Variants in ESR1 observed in about 807,000 individuals in gnomAD.
ESR1 encodes the protein estrogen receptor 1.
A neutral mutation model predicts 52.7 loss-of-function variants in ESR1; 12 were observed. That is an observed-to-expected ratio of 0.23 (90% confidence interval 0.15 to 0.37). The LOEUF (loss-of-function observed/expected upper bound fraction) is 0.37. Ranked by LOEUF, ESR1 falls within the 10% of genes least tolerant of loss-of-function variation. The pLI, the probability that ESR1 is intolerant of heterozygous loss-of-function variation, is 1.00. For missense variants in ESR1, 584 were observed against 779.7 expected (o/e 0.75, Z 2.99); for synonymous variants, 305 against 316.8 (o/e 0.96, Z 0.39).
At chr6:152,031,111 C>T (rs1258450207) in intron 5 of ESR1, among the ~76,000 whole-genome samples, 1 of 152,164 alleles carries the variant, frequency 6.6e-6, no homozygotes, top group African/African-American at 2.4e-5. Context: ...ACACAACATA[C>T]CAGAATCTCT....
downstream of ESR1, among the ~76,000 whole-genome samples, chr6:152,104,011 T>G (rs1443544642): frequency 7.2e-6 from 1 of 139,354 alleles, no homozygotes; most frequent in Non-Finnish European, 1.5e-5. Context: ...TGCATCACCT[T>G]GGGCAAGTTG....
chr6:151,741,765 T>C (rs1783114536), intron 2 of ESR1, among the ~76,000 whole-genome samples: 1 of 152,186 alleles, frequency 6.6e-6, no homozygotes, highest in African/African-American at 2.4e-5. Flanking sequence ...AACTAACGTA[T>C]CCATCATCTC....
At chr6:151,880,831 T>A (rs1486685930) in intron 3 of ESR1, 60 bp downstream of exon 3, 13 of 858,214 alleles carry the variant, frequency 1.5e-5, no homozygotes, top group Non-Finnish European at 2.0e-5. Flanking sequence ...CAGTGCTGGC[T>A]CTACCCATTG....
chr6:151,897,262 A>G (rs1795678224), intron 3 of ESR1, among the ~76,000 whole-genome samples: 1 of 152,144 alleles, frequency 6.6e-6, no homozygotes, highest in Admixed American at 6.5e-5. Context: ...TGACCTGTCT[A>G]GTATTGTCAG....
At chr6:151,683,745 C>G (rs1178828033) in intron 1 of ESR1, among the ~76,000 whole-genome samples, 1 of 151,356 alleles carries the variant, frequency 6.6e-6, no homozygotes, top group Admixed American at 6.6e-5. Flanking sequence ...GTCGCCCAGG[C>G]TAGAGTGCAG....
At chr6:151,817,494 T>C (rs901246348) in intron 1 of ESR1, among the ~76,000 whole-genome samples, 2 of 152,318 alleles carry the variant, frequency 1.3e-5, no homozygotes, top group Admixed American at 6.5e-5. Flanking sequence ...CTTCATTTCC[T>C]TGGGCCTCTT....
intron 2 of ESR1, among the ~76,000 whole-genome samples, chr6:151,715,511 T>C (rs1280124719): frequency 2.0e-5 from 3 of 152,228 alleles, no homozygotes; most frequent in African/African-American, 7.2e-5. Context: ...TAGTCCCATA[T>C]TTCTTGGAGG....
chr6:151,675,355 T>G (rs1778215925), intron 1 of ESR1, among the ~76,000 whole-genome samples: 1 of 152,054 alleles, frequency 6.6e-6, no homozygotes, highest in Admixed American at 6.6e-5. Flanking sequence ...TTTCTTTGGG[T>G]GTGGGTGGTT....
chr6:151,961,258 G>A (rs372573877), intron 4 of ESR1, among the ~76,000 whole-genome samples: 2 of 152,080 alleles, frequency 1.3e-5, no homozygotes, highest in African/African-American at 2.4e-5. Context: ...GAGGGAACCC[G>A]CAAAGGAGAT....
At chr6:151,824,416 G>C (rs1268316288) in intron 1 of ESR1, among the ~76,000 whole-genome samples, 2 of 151,966 alleles carry the variant, frequency 1.3e-5, no homozygotes, top group Non-Finnish European at 2.9e-5. Flanking sequence ...CTCCCATTTT[G>C]TAGGTTGCCT....
chr6:151,944,176 T>C lies in ESR1; in HGVS notation c.764T>C (p.Ile255Thr), dbSNP rs2128525923. The change falls in exon 4 of 8, where the codon ATA (isoleucine) becomes ACA (threonine). Residue 255 changes from isoleucine to threonine, a missense_variant. Ile to Thr is a moderately conservative substitution (Grantham distance 89, BLOSUM62 -1). Transcript: ENST00000206249. ...CYEVGMMKGG[I>T]RKDRRGGRML... ...TTTTTTCCACCTGTGTTTTCAGGGA[T>C]ACGAAAAGACCGAAGAGGAGGGAGA... 6.2e-7 allele frequency: 1 copy of C among 1,613,328 alleles called. No homozygotes were observed. Among genetic ancestry groups the C allele is most frequent in the Non-Finnish European group, 8.5e-7 (1 of 1,179,640 alleles).
intron 3 of ESR1, among the ~76,000 whole-genome samples, chr6:151,896,381 C>A (rs1160980514): frequency 6.6e-6 from 1 of 152,108 alleles, no homozygotes; most frequent in Non-Finnish European, 1.5e-5. Flanking sequence ...TTGGCCTGTT[C>A]AGGATTTCTA....
At chr6:151,991,037 A>G (rs1265610422) in intron 4 of ESR1, among the ~76,000 whole-genome samples, 1 of 152,222 alleles carries the variant, frequency 6.6e-6, no homozygotes, top group African/African-American at 2.4e-5. Flanking sequence ...TTCTAAATCC[A>G]GGTCTACACT....
intron 1 of ESR1, among the ~76,000 whole-genome samples, chr6:151,661,321 T>C (rs1777630955): frequency 6.6e-6 from 1 of 152,214 alleles, no homozygotes; most frequent in Admixed American, 6.5e-5. Context: ...TATAAGGCCA[T>C]GCTTTGCACC....
intron 2 of ESR1, among the ~76,000 whole-genome samples, chr6:151,793,134 G>T (rs189887055): frequency 1.3e-5 from 2 of 150,568 alleles, no homozygotes; most frequent in African/African-American, 4.9e-5. Flanking sequence ...TTGCACCACT[G>T]CACTCCAGCC....
chr6:151,739,518 C>T (rs1257030612), intron 2 of ESR1, among the ~76,000 whole-genome samples: 1 of 152,192 alleles, frequency 6.6e-6, no homozygotes, highest in Non-Finnish European at 1.5e-5. Flanking sequence ...AAGTGAAAAA[C>T]AGCTGTGGCC....
chr6:151,690,426 G>A (rs1470964922), upstream of ESR1: 1 of 152,122 alleles, frequency 6.6e-6, no homozygotes, highest in Non-Finnish European at 1.5e-5. Flanking sequence ...TTTTTTCAAT[G>A]AGATTTTCCA....
At chr6:151,923,000 C>G (rs529453115) in intron 3 of ESR1, among the ~76,000 whole-genome samples, 151 of 152,306 alleles carry the variant, frequency 9.9e-4, no homozygotes, top group Middle Eastern at 6.8e-3. Flanking sequence ...AAACCTGGCT[C>G]CTACCATCTG....
chr6:151,871,644 A>G (rs1790989850), intron 2 of ESR1, among the ~76,000 whole-genome samples: 1 of 152,120 alleles, frequency 6.6e-6, no homozygotes, highest in Non-Finnish European at 1.5e-5. Flanking sequence ...ATCTCAGGTG[A>G]TCTGCCCGCC....
Sources: allele counts gnomAD v4.1 joint callset (sites outside exome capture counted in the v4.1 genomes callset), GRCh38; gene constraint gnomAD v4.1.1; transcripts MANE v1.5; gene names NCBI Gene and HGNC (gene_info 2026-07-23, HGNC 2026-07-21).